The following OR2C1 variants were observed in gnomAD, a reference collection of about 807,000 sequenced individuals.
OR2C1 encodes the protein olfactory receptor family 2 subfamily C member 1, also known as olfactory receptor 2C1.
For missense variants in OR2C1, 468 were observed against 388.3 expected, an observed-to-expected ratio of 1.21 and a Z score of -1.73; for synonymous variants, 209 against 167.3, an observed-to-expected ratio of 1.25 and a Z score of -1.92.
chr16:3,329,848 G>A, the OR2C1 span, among the ~76,000 whole-genome samples: 5 of 132,402 alleles, frequency 3.8e-5, no homozygotes, highest in Admixed American at 8.6e-5. Flanking sequence ...TCTGCTTCCC[G>A]GGTTCAAGTG....
the OR2C1 span, among the ~76,000 whole-genome samples, chr16:3,335,478 A>G: frequency 1.6e-5 from 2 of 121,982 alleles, no homozygotes; most frequent in African/African-American, 6.1e-5. Context: ...TTTCTTTTTC[A>G]TGTTTCAGAT....
chr16:3,349,298 G>C, the OR2C1 span, among the ~76,000 whole-genome samples: 3 of 152,124 alleles, frequency 2.0e-5, no homozygotes, highest in African/African-American at 7.2e-5. Flanking sequence ...GGTTCTTCAG[G>C]GACAGCTTTT....
chr16:3,335,020 T>C, the OR2C1 span, among the ~76,000 whole-genome samples: 1 of 152,150 alleles, frequency 6.6e-6, no homozygotes, highest in African/African-American at 2.4e-5. Flanking sequence ...GGTTTCACCA[T>C]GTTGGCCAGG....
chr16:3,332,971 C>T, the OR2C1 span, among the ~76,000 whole-genome samples: 3 of 151,962 alleles, frequency 2.0e-5, no homozygotes, highest in South Asian at 6.2e-4. Context: ...TCCATACTGG[C>T]TGTACTAATT....
At chr16:3,336,156 T>C in the OR2C1 span, among the ~76,000 whole-genome samples, 1 of 152,220 alleles carries the variant, frequency 6.6e-6, no homozygotes, top group Admixed American at 6.5e-5. Flanking sequence ...AAATGCTTTT[T>C]CAGAAAGTAT....
the OR2C1 span, among the ~76,000 whole-genome samples, chr16:3,348,596 G>T: frequency 9.9e-5 from 15 of 152,274 alleles, no homozygotes; most frequent in Non-Finnish European, 1.5e-4. Flanking sequence ...GGAGAGACTT[G>T]CTGGGGCCAG....
upstream of OR2C1, among the ~76,000 whole-genome samples, chr16:3,354,272 A>C (rs2030624515): frequency 6.6e-6 from 1 of 152,210 alleles, no homozygotes; most frequent in Admixed American, 6.5e-5. Flanking sequence ...GGCGTGAGCC[A>C]CTGTACCCGG....
At chr16:3,352,059 C>T (rs1296796899), upstream of OR2C1, among the ~76,000 whole-genome samples, 2 of 151,994 alleles carry the variant, frequency 1.3e-5, no homozygotes, top group African/African-American at 4.8e-5. Flanking sequence ...AAGTTAAAGT[C>T]CCTTCCGAGT....
upstream of OR2C1, among the ~76,000 whole-genome samples, chr16:3,353,983 C>T (rs868276150): frequency 7.7e-3 from 889 of 115,202 alleles, 14 homozygotes; most frequent in African/African-American, 0.025. Context: ...CTTTTCTTTT[C>T]TTTTTTTTTT....
the OR2C1 span, among the ~76,000 whole-genome samples, chr16:3,334,822 C>CT: frequency 5.2e-4 from 73 of 140,644 alleles, no homozygotes; most frequent in African/African-American, 6.0e-4. Context: ...CCACTTTGTT[C>CT]TTTTTTTTTT....
chr16:3,356,926 T>G lies in OR2C1; in HGVS notation c.*47T>G. ...ATTGCGTCTTCATCTCTACATGCGTTTCTCATTAACTCTCTCTGGCCAGGT... is the reference window on the plus strand; with the variant it reads ...ATTGCGTCTTCATCTCTACATGCGTGTCTCATTAACTCTCTCTGGCCAGGT... On this transcript the variant is annotated 3_prime_UTR_variant, in exon 1 of 1. Coordinates refer to ENST00000304936, the MANE Select transcript of OR2C1 (RefSeq NM_012368.3). 1.4e-6 allele frequency: 2 copies of G among 1,421,582 alleles called. No individual in the cohort carries two copies. The highest frequency in any genetic ancestry group is 3.7e-4 in the Middle Eastern group (2 of 5,440). The allele number at this position is 1,421,582 out of a possible 1,614,324, so 88.1% of individuals were successfully genotyped here.
chr16:3,333,057 T>A, the OR2C1 span, among the ~76,000 whole-genome samples: 1 of 152,134 alleles, frequency 6.6e-6, no homozygotes, highest in Non-Finnish European at 1.5e-5. Flanking sequence ...TCTGTCTTTT[T>A]AAATTAAAGC....
chr16:3,340,171 C>T, the OR2C1 span, among the ~76,000 whole-genome samples: 207 of 151,894 alleles, frequency 1.4e-3, no homozygotes, highest in Middle Eastern at 0.014. Flanking sequence ...TCCAGCTACT[C>T]GGGAGGCTGA....
downstream of OR2C1, among the ~76,000 whole-genome samples, chr16:3,357,762 A>C (rs1348119902): frequency 6.6e-6 from 1 of 152,028 alleles, no homozygotes; most frequent in Non-Finnish European, 1.5e-5. Flanking sequence ...CGGGTGGATC[A>C]CCTGAGGTCA....
At chr16:3,336,095 C>A in the OR2C1 span, among the ~76,000 whole-genome samples, 3 of 152,130 alleles carry the variant, frequency 2.0e-5, no homozygotes, top group South Asian at 2.1e-4. Flanking sequence ...TGTATGCCTT[C>A]TATACCTAGG....
chr16:3,328,385 C>T, the OR2C1 span, among the ~76,000 whole-genome samples: 1 of 152,188 alleles, frequency 6.6e-6, no homozygotes, highest in Non-Finnish European at 1.5e-5. Flanking sequence ...TCATTCTGTT[C>T]TTATCTCTGC....
At chr16:3,336,984 A>T in the OR2C1 span, among the ~76,000 whole-genome samples, 3 of 151,612 alleles carry the variant, frequency 2.0e-5, no homozygotes, top group Non-Finnish European at 4.4e-5. Flanking sequence ...CTGGGATTAC[A>T]GGCATGAGCC....
At chr16:3,345,100 A>T in the OR2C1 span, among the ~76,000 whole-genome samples, 1 of 152,158 alleles carries the variant, frequency 6.6e-6, no homozygotes, top group African/African-American at 2.4e-5. Context: ...ACATGAAACT[A>T]AACATACACA....
the OR2C1 span, among the ~76,000 whole-genome samples, chr16:3,329,874 C>T: frequency 6.5e-4 from 97 of 149,818 alleles, no homozygotes; most frequent in African/African-American, 2.1e-3. Context: ...CCTGCCTCAG[C>T]CTCCTGAGTA....
Sources: gnomAD v4.1 joint callset for allele counts (sites outside exome capture counted in the v4.1 genomes callset) on GRCh38, gnomAD v4.1.1 for gene constraint, MANE v1.5 for transcripts, NCBI Gene and HGNC (gene_info 2026-07-23, HGNC 2026-07-21) for gene names.